The following MTCL2 variants were observed in gnomAD, a reference collection of about 807,000 sequenced individuals.
The protein encoded by MTCL2 is microtubule crosslinking factor 2.
chr20:36,848,675 C>G, the MTCL2 span, among the ~76,000 whole-genome samples: 7 of 152,196 alleles, frequency 4.6e-5, no homozygotes, highest in East Asian at 1.2e-3. Flanking sequence ...GGGGTGAGAC[C>G]TCCAAGCAGG....
At chr20:36,839,786 C>T in the MTCL2 span, among the ~76,000 whole-genome samples, 4 of 152,156 alleles carry the variant, frequency 2.6e-5, no homozygotes, top group Admixed American at 6.5e-5. This position sits in a 1 kb window ranked among gnomAD's most constrained non-coding sequence, Gnocchi z 5.1. Flanking sequence ...GGAGCCTTCC[C>T]GAGGAATGCA....
the MTCL2 span, chr20:36,786,662 A>G: frequency 3.9e-6 from 6 of 1,540,368 alleles, no homozygotes; most frequent in Non-Finnish European, 5.2e-6. Flanking sequence ...GCAGGGAGGC[A>G]GGAAGTCAAG....
At chr20:36,788,088 C>A in the MTCL2 span, among the ~76,000 whole-genome samples, 1 of 150,996 alleles carries the variant, frequency 6.6e-6, no homozygotes, top group East Asian at 1.9e-4. Context: ...GCAGTCCCAG[C>A]TACTTGGGAG....
chr20:36,820,205 T>C, the MTCL2 span, among the ~76,000 whole-genome samples: 1 of 152,130 alleles, frequency 6.6e-6, no homozygotes, highest in Non-Finnish European at 1.5e-5. Context: ...AATTCCATTT[T>C]CTCATTTATA....
chr20:36,855,906 C>T, the MTCL2 span, among the ~76,000 whole-genome samples: 2 of 152,120 alleles, frequency 1.3e-5, no homozygotes, highest in South Asian at 4.1e-4. Flanking sequence ...CTAGACCACA[C>T]AGCCTGGCTC....
At chr20:36,783,880 T>A in the MTCL2 span, 1 of 984,956 alleles carries the variant, frequency 1.0e-6, no homozygotes, top group East Asian at 1.1e-4. Context: ...CAAACCAATA[T>A]TTACATGTAA....
the MTCL2 span, among the ~76,000 whole-genome samples, chr20:36,843,532 C>T: frequency 6.6e-6 from 1 of 151,580 alleles, no homozygotes; most frequent in African/African-American, 2.4e-5. Flanking sequence ...ATGATCACAC[C>T]AGTTAAAAAA....
the MTCL2 span, chr20:36,794,143 C>G: frequency 5.8e-6 from 9 of 1,551,358 alleles, no homozygotes; most frequent in Non-Finnish European, 7.0e-6. The surrounding 1 kb of genome is among the most constrained non-coding windows in gnomAD (Gnocchi z 5.4). Context: ...AGCCTCCGTC[C>G]AGGCGCTGCC....
the MTCL2 span, among the ~76,000 whole-genome samples, chr20:36,825,144 T>C: frequency 6.6e-6 from 1 of 152,086 alleles, no homozygotes; most frequent in African/African-American, 2.4e-5. Context: ...GGTTTCACCA[T>C]GTTGGTCAGG....
the MTCL2 span, chr20:36,859,542 C>T: frequency 1.0e-5 from 12 of 1,190,460 alleles, no homozygotes; most frequent in African/African-American, 1.7e-4. Context: ...CCGCCTCTCT[C>T]TGAATAATTA....
At chr20:36,810,717 C>T in the MTCL2 span, among the ~76,000 whole-genome samples, 852 of 94,302 alleles carry the variant, frequency 9.0e-3, 20 homozygotes, top group African/African-American at 0.029. Flanking sequence ...TCTCTCTCTC[C>T]CTCTCTCTCT....
the MTCL2 span, among the ~76,000 whole-genome samples, chr20:36,810,524 G>A: frequency 6.6e-6 from 1 of 152,138 alleles, no homozygotes; most frequent in African/African-American, 2.4e-5. Flanking sequence ...CTTAAGGACA[G>A]TGTCCTTTAT....
At chr20:36,830,174 A>T in the MTCL2 span, among the ~76,000 whole-genome samples, 1 of 151,936 alleles carries the variant, frequency 6.6e-6, no homozygotes, top group Non-Finnish European at 1.5e-5. Flanking sequence ...CCCAGCCACC[A>T]CTTGCCCAGT....
the MTCL2 span, among the ~76,000 whole-genome samples, chr20:36,855,082 TG>T: frequency 6.6e-6 from 1 of 151,950 alleles, no homozygotes; most frequent in Admixed American, 6.6e-5. Flanking sequence ...CAGCTTAACC[TG>T]GGGTCACGGG....
the MTCL2 span, chr20:36,797,536 G>A: frequency 1.0e-5 from 16 of 1,556,634 alleles, 1 homozygote; most frequent in African/African-American, 1.4e-5. Flanking sequence ...CTCCAGCTCC[G>A]AGTGCTTCAG....
At chr20:36,816,134 G>A in the MTCL2 span, 6 of 1,613,506 alleles carry the variant, frequency 3.7e-6, no homozygotes, top group Middle Eastern at 1.6e-4. Flanking sequence ...GGGGGGCATC[G>A]GCCAGCTCCT....
the MTCL2 span, among the ~76,000 whole-genome samples, chr20:36,860,194 A>G: frequency 2.6e-5 from 4 of 152,066 alleles, no homozygotes; most frequent in East Asian, 7.7e-4. Flanking sequence ...GAACTCAACG[A>G]GCATTCCAAT....
chr20:36,857,490 T>C, the MTCL2 span, among the ~76,000 whole-genome samples: 1 of 152,138 alleles, frequency 6.6e-6, no homozygotes, highest in Non-Finnish European at 1.5e-5. Flanking sequence ...TGCAAGTGGC[T>C]GTGTGTCTCT....
chr20:36,860,306 T>C, the MTCL2 span, among the ~76,000 whole-genome samples: 1 of 152,188 alleles, frequency 6.6e-6, no homozygotes, highest in African/African-American at 2.4e-5. Context: ...CCCACCTTCG[T>C]GTGCTCCTGG....
Sources: gnomAD v4.1 joint callset for allele counts (sites outside exome capture counted in the v4.1 genomes callset) on GRCh38, gnomAD v4.1.1 for gene constraint, Gnocchi (gnomAD v3.1) non-coding constraint, MANE v1.5 for transcripts, NCBI Gene and HGNC (gene_info 2026-07-23, HGNC 2026-07-21) for gene names.